SMG1: variants seen among roughly 807,000 people sequenced by gnomAD.
SMG1 encodes serine/threonine-protein kinase SMG1.
Under a neutral mutation model 419.9 loss-of-function variants are expected in SMG1, and 22 were observed. That is an observed-to-expected ratio of 0.05 (90% CI 0.04 to 0.07). The LOEUF (loss-of-function observed/expected upper bound fraction) is 0.07, where lower values mean the gene tolerates loss of function less well. SMG1 is among the 10% of genes least tolerant of loss of function. SMG1 has a pLI of 1.00. For synonymous variants in SMG1, 1,538 were observed against 1,553.5 expected (o/e 0.99, Z 0.23); for missense variants, 3,185 against 4,342.0 (o/e 0.73, Z 7.49).
intron 56 of SMG1, among the ~76,000 whole-genome samples, chr16:18,819,175 T>C (rs1261945913): frequency 6.6e-6 from 1 of 152,240 alleles, no homozygotes; most frequent in African/African-American, 2.4e-5. Context: ...ATATTCCAAG[T>C]ACCTTTCCAA....
chr16:18,872,033 T>G (rs1427366607), intron 15 of SMG1, 151 bp downstream of exon 15: 1 of 439,720 alleles, frequency 2.3e-6, no homozygotes, highest in African/African-American at 2.1e-5. Context: ...TAAAACCAAA[T>G]TATAAGGTGT....
intron 36 of SMG1, 87 bp from the exon 37 acceptor site, chr16:18,848,120 T>C: frequency 8.8e-7 from 1 of 1,135,174 alleles, no homozygotes; most frequent in Non-Finnish European, 1.3e-6. Flanking sequence ...ATAATCTATT[T>C]GACTCAAGAG....
At chr16:18,855,090 T>G (rs1037835174) in intron 29 of SMG1, among the ~76,000 whole-genome samples, 186 bp from the exon 30 acceptor site, 1 of 152,214 alleles carries the variant, frequency 6.6e-6, no homozygotes, top group Non-Finnish European at 1.5e-5. Flanking sequence ...TTTGCTAAAT[T>G]AAATGTATAC....
Position 18,839,800 on chromosome 16 carries a change from C to T in SMG1, c.6843G>A (p.Lys2281=). 1 of 1,613,996 alleles carries T rather than the reference C, an allele frequency of 6.2e-7. No homozygotes were observed. The highest frequency in any genetic ancestry group is 8.5e-7 in the Non-Finnish European group (1 of 1,179,894). ...SRRDWPLHVM[K]AVLEELMEAT... ...CCTCCATTAACTCTTCCAATACTGC[C>T]TTCATTACATGAAGAGGCCAATCCC... Residue 2281 remains lysine (K), a synonymous_variant, in exon 42 of 63, where the codon AAG becomes AAA. Transcript: ENST00000446231.
At chr16:18,903,473 C>A (rs2037428684) in intron 1 of SMG1, among the ~76,000 whole-genome samples, 1 of 152,198 alleles carries the variant, frequency 6.6e-6, no homozygotes, top group Non-Finnish European at 1.5e-5. Flanking sequence ...TCTGCACCTT[C>A]TTCCTTCTCC....
intron 29 of SMG1, 175 bp downstream of exon 29, chr16:18,857,995 C>G: frequency 1.4e-5 from 6 of 433,124 alleles, no homozygotes; most frequent in African/African-American, 2.1e-5. Flanking sequence ...CCCAAGGGAA[C>G]CTTCTGGGGT....
In SMG1 at chr16:18,877,042, A is replaced by T. The variant is rs1162137571; in HGVS notation, c.1620+89T>A. 7 of 885,190 alleles carry T rather than the reference A, an allele frequency of 7.9e-6. No homozygotes were observed. The Admixed American group carries it at 9.4e-5, about 12-fold the overall frequency. The allele number at this position is 885,190 out of a possible 1,614,324, so 54.8% of individuals were successfully genotyped here. ...AAATCAAACATTTCACATTTCACTC[A>T]ATTTCACTTATACAGCCTGGTAAGC... On this transcript the variant is annotated intron_variant, in intron 12 of 62. Coordinates refer to ENST00000446231, the MANE Select transcript of SMG1 (RefSeq NM_015092.5).
chr16:18,844,753 C>T (rs2034161214), intron 39 of SMG1, among the ~76,000 whole-genome samples: 1 of 151,820 alleles, frequency 6.6e-6, no homozygotes, highest in Non-Finnish European at 1.5e-5. Context: ...TGCTCAAATT[C>T]AGTAAGGAAA....
chr16:18,906,100 A>C (rs868135326), intron 1 of SMG1, among the ~76,000 whole-genome samples: 1 of 152,022 alleles, frequency 6.6e-6, no homozygotes, highest in Non-Finnish European at 1.5e-5. Flanking sequence ...CATTCTATAC[A>C]TGCACTATCC....
At chr16:18,895,257 T>C (rs2037071502) in intron 3 of SMG1, among the ~76,000 whole-genome samples, 1 of 151,776 alleles carries the variant, frequency 6.6e-6, no homozygotes, top group Non-Finnish European at 1.5e-5. Context: ...GCACGCGTGA[T>C]CACTTGAGGT....
chr16:18,861,968 G>C (rs560380466), intron 25 of SMG1, among the ~76,000 whole-genome samples: 1 of 152,018 alleles, frequency 6.6e-6, no homozygotes, highest in Non-Finnish European at 1.5e-5. Context: ...CTGCTTTCTA[G>C]TGGCTCCTTC....
intron 28 of SMG1, 62 bp downstream of exon 28, chr16:18,858,960 T>A (rs2035065824): frequency 4.2e-6 from 4 of 951,342 alleles, no homozygotes; most frequent in Non-Finnish European, 4.5e-6. Flanking sequence ...AAAAATAAGG[T>A]CTTTGTTCTA....
intron 1 of SMG1, among the ~76,000 whole-genome samples, chr16:18,918,738 G>A (rs1336423725): frequency 6.6e-6 from 1 of 152,066 alleles, no homozygotes; most frequent in Non-Finnish European, 1.5e-5. Flanking sequence ...TAGTAGAGAC[G>A]GGGTTTCACC....
At chr16:18,880,980 A>AG (rs1379919964) in intron 10 of SMG1, among the ~76,000 whole-genome samples, 1 of 151,106 alleles carries the variant, frequency 6.6e-6, no homozygotes, top group African/African-American at 2.4e-5. Flanking sequence ...AAAAAAAAAA[A>AG]AAAGCTGGGT....
intron 25 of SMG1, among the ~76,000 whole-genome samples, 199 bp downstream of exon 25, chr16:18,863,451 C>G (rs1363134916): frequency 1.3e-5 from 2 of 152,224 alleles, no homozygotes; most frequent in African/African-American, 2.4e-5. Flanking sequence ...ATGACTATCT[C>G]AGCAGTGTTT....
chr16:18,840,655 C>A (rs2033862913), intron 41 of SMG1, among the ~76,000 whole-genome samples: 1 of 152,140 alleles, frequency 6.6e-6, no homozygotes, highest in South Asian at 2.1e-4. Flanking sequence ...GCATAAAATT[C>A]ATAGATACAA....
intron 1 of SMG1, chr16:18,900,003 T>C: frequency 6.5e-7 from 1 of 1,530,632 alleles, no homozygotes. Context: ...AATCGCATAC[T>C]GTATAATATG....
chr16:18,902,578 T>C (rs368145255), intron 1 of SMG1, among the ~76,000 whole-genome samples: 1 of 151,902 alleles, frequency 6.6e-6, no homozygotes, highest in Non-Finnish European at 1.5e-5. Flanking sequence ...TATGCGCCCA[T>C]AGATCCAGCA....
chr16:18,838,772 C>A (rs1447998057), intron 42 of SMG1, 83 bp from the exon 43 acceptor site: 4 of 886,962 alleles, frequency 4.5e-6, no homozygotes, highest in Non-Finnish European at 7.1e-6. Context: ...ATAAAATTTA[C>A]AAAGCACCAT....
Sources: allele counts gnomAD v4.1 joint callset (sites outside exome capture counted in the v4.1 genomes callset), GRCh38; gene constraint gnomAD v4.1.1; transcripts MANE v1.5; gene names NCBI Gene and HGNC (gene_info 2026-07-23, HGNC 2026-07-21).